IL15: variants seen among roughly 807,000 people sequenced by gnomAD.
IL15 encodes the protein interleukin 15.
A neutral mutation model predicts 19.6 loss-of-function variants in IL15; 11 were observed. That is an observed-to-expected ratio of 0.56 (90% CI 0.35 to 0.93). The LOEUF is 0.93. IL15 is among the 40% of genes least tolerant of loss of function. The pLI is 0.01. For missense variants in IL15, 197 were observed against 186.5 expected, an observed-to-expected ratio of 1.06 and a Z score of -0.33; for synonymous variants, 58 against 59.6, an observed-to-expected ratio of 0.97 and a Z score of 0.12.
At chr4:141,699,740 A>G (rs1272898505) in intron 2 of IL15, among the ~76,000 whole-genome samples, 1 of 152,120 alleles carries the variant, frequency 6.6e-6, no homozygotes, top group Non-Finnish European at 1.5e-5. Context: ...GCATCTCTTG[A>G]AGACAACAGA....
At chr4:141,652,502 G>A (rs1047634671) in intron 1 of IL15, among the ~76,000 whole-genome samples, 6 of 152,068 alleles carry the variant, frequency 3.9e-5, no homozygotes, top group Non-Finnish European at 8.8e-5. Flanking sequence ...ATATAGACTT[G>A]AGAAGGTTAG....
intron 2 of IL15, among the ~76,000 whole-genome samples, chr4:141,674,014 G>A (rs1728260839): frequency 6.6e-6 from 1 of 152,010 alleles, no homozygotes; most frequent in Admixed American, 6.6e-5. Flanking sequence ...TTCAGCTAAA[G>A]TTGATATTAA....
intron 2 of IL15, among the ~76,000 whole-genome samples, chr4:141,684,960 T>C (rs545570857): frequency 4.3e-4 from 65 of 152,276 alleles, no homozygotes; most frequent in African/African-American, 1.5e-3. Context: ...TATGTCTTTT[T>C]TTTTTTTCTT....
At chr4:141,652,681 G>C (rs556046938) in intron 1 of IL15, among the ~76,000 whole-genome samples, 2 of 152,138 alleles carry the variant, frequency 1.3e-5, no homozygotes, top group Admixed American at 6.6e-5. Flanking sequence ...TAAACAATTA[G>C]AAGAATGGCA....
At chr4:141,682,491 C>G (rs1728564898) in intron 2 of IL15, among the ~76,000 whole-genome samples, 1 of 152,192 alleles carries the variant, frequency 6.6e-6, no homozygotes, top group Non-Finnish European at 1.5e-5. Flanking sequence ...CTACTACTTA[C>G]TTCTGCATGT....
chr4:141,680,273 G>A (rs1728489686), intron 2 of IL15, among the ~76,000 whole-genome samples: 1 of 152,206 alleles, frequency 6.6e-6, no homozygotes. Flanking sequence ...ATTATAGCTG[G>A]AGGGAAAGTG....
chr4:141,694,004 G>C (rs1729010304), intron 2 of IL15, among the ~76,000 whole-genome samples: 1 of 152,194 alleles, frequency 6.6e-6, no homozygotes. Context: ...GGTGATGTGG[G>C]AGACAGTGGG....
chr4:141,675,921 A>G (rs1728325859), intron 2 of IL15, among the ~76,000 whole-genome samples: 1 of 152,204 alleles, frequency 6.6e-6, no homozygotes, highest in South Asian at 2.1e-4. Context: ...ACAGCATACT[A>G]GTTTCCTAGA....
intron 5 of IL15, among the ~76,000 whole-genome samples, chr4:141,724,316 C>T (rs1314487467): frequency 2.0e-5 from 3 of 151,498 alleles, no homozygotes; most frequent in African/African-American, 7.3e-5. Flanking sequence ...GTGGCTAAAG[C>T]AATACTGACA....
rs1242049428 is a variant in IL15, at chr4:141,723,272, CT to C, written c.195+1267del. 2.6e-5 allele frequency among the ~76,000 whole-genome samples: 4 copies of C among 152,226 alleles called. No homozygotes were observed. The East Asian group carries it at 7.7e-4, about 29-fold the overall frequency. On this transcript the variant is annotated intron_variant, in intron 5 of 7. Coordinates refer to ENST00000320650, the MANE Select transcript of IL15 (RefSeq NM_000585.5). ...ATGTGATCTTATTTTGAAATAATAT[CT>C]TTGCAAATATAATTAATGAAATTAA...
intron 2 of IL15, chr4:141,718,052 A>C (rs914053916): frequency 7.2e-5 from 11 of 152,224 alleles, no homozygotes; most frequent in African/African-American, 2.7e-4. Context: ...CATGTTTGGC[A>C]ACCACACTCT....
intron 2 of IL15, among the ~76,000 whole-genome samples, chr4:141,714,249 C>T (rs1729800548): frequency 6.6e-6 from 1 of 152,122 alleles, no homozygotes; most frequent in Non-Finnish European, 1.5e-5. Flanking sequence ...CTTCCCGTGA[C>T]AGTAGATGAC....
intron 1 of IL15, among the ~76,000 whole-genome samples, chr4:141,648,994 T>G (rs888273511): frequency 6.6e-6 from 1 of 152,136 alleles, no homozygotes; most frequent in Non-Finnish European, 1.5e-5. Context: ...TAGGAACTTA[T>G]TGTCTCGTGG....
At chr4:141,730,088 AGGAGTCCTGTTCCAGT>A (rs1209196840) in intron 7 of IL15, 104 bp downstream of exon 7, 1 of 887,042 alleles carries the variant, frequency 1.1e-6, no homozygotes, top group Non-Finnish European at 1.9e-6. Context: ...AATCAGGAGA[AGGAGTCCTGTTCCAGT>A]GGAGTGGTGT....
intron 1 of IL15, among the ~76,000 whole-genome samples, chr4:141,654,101 G>T (rs1180784327): frequency 2.6e-5 from 4 of 152,174 alleles, no homozygotes; most frequent in Non-Finnish European, 4.4e-5. Context: ...GGCTTACTGG[G>T]GCATGTTCTA....
At chr4:141,690,640 G>T (rs1728879218) in intron 2 of IL15, among the ~76,000 whole-genome samples, 1 of 152,148 alleles carries the variant, frequency 6.6e-6, no homozygotes, top group Non-Finnish European at 1.5e-5. Flanking sequence ...CCTACCCTAA[G>T]CCTTGCTTCC....
intron 1 of IL15, among the ~76,000 whole-genome samples, chr4:141,641,764 A>T (rs1011452592): frequency 2.6e-5 from 4 of 151,518 alleles, no homozygotes; most frequent in African/African-American, 9.7e-5. Flanking sequence ...TGGGTGCAGC[A>T]CACCAACATG....
intron 2 of IL15, among the ~76,000 whole-genome samples, chr4:141,660,876 G>A (rs1296967299): frequency 1.3e-5 from 2 of 151,996 alleles, no homozygotes; most frequent in Non-Finnish European, 2.9e-5. Flanking sequence ...TATTTTAATG[G>A]TGCTCTTATC....
At chr4:141,671,153 C>A (rs527872393) in intron 2 of IL15, among the ~76,000 whole-genome samples, 2 of 152,142 alleles carry the variant, frequency 1.3e-5, no homozygotes, top group East Asian at 3.9e-4. Context: ...TAATATAACC[C>A]CTACGTAAAG....
Sources: allele counts gnomAD v4.1 joint callset (sites outside exome capture counted in the v4.1 genomes callset), GRCh38; gene constraint gnomAD v4.1.1; transcripts MANE v1.5; gene names NCBI Gene and HGNC (gene_info 2026-07-23, HGNC 2026-07-21).